The following GMDS variants were observed in gnomAD, a reference collection of about 807,000 sequenced individuals.
GMDS encodes the protein GDP-mannose 4,6-dehydratase.
In GMDS, 20 loss-of-function variants were observed where a neutral mutation model predicts 49.9. The observed-to-expected ratio is 0.40, with a 90% CI of 0.28 to 0.58. The LOEUF (loss-of-function observed/expected upper bound fraction) is 0.58, where lower values mean the gene tolerates loss of function less well. GMDS is among the 20% of genes least tolerant of loss of function. The pLI, the probability that GMDS is intolerant of heterozygous loss-of-function variation, is 0.42. For synonymous variants in GMDS, 177 were observed against 178.6 expected (o/e 0.99, Z 0.07); for missense variants, 362 against 481.4 (o/e 0.75, Z 2.32).
intron 4 of GMDS, among the ~76,000 whole-genome samples, chr6:2,051,973 C>T (rs558161856): frequency 6.6e-6 from 1 of 151,758 alleles, no homozygotes; most frequent in African/African-American, 2.4e-5. Context: ...AAAAATTAGT[C>T]GGGCGTGGTG....
intron 4 of GMDS, among the ~76,000 whole-genome samples, chr6:2,004,447 C>T (rs1767030727): frequency 6.6e-6 from 1 of 152,108 alleles, no homozygotes; most frequent in Non-Finnish European, 1.5e-5. Flanking sequence ...AATTTTACAA[C>T]TCAGTAATTT....
chr6:1,663,371 A>G (rs952183943), intron 9 of GMDS, among the ~76,000 whole-genome samples: 7 of 152,078 alleles, frequency 4.6e-5, no homozygotes, highest in African/African-American at 1.2e-4. Flanking sequence ...GCACCCCCAT[A>G]TTGCTTCTTG....
At position 1,932,978 on chromosome 6, in the gene GMDS, C is replaced by A. The variant is rs967139665; in HGVS notation, c.644-2748G>T. Among the ~76,000 whole-genome samples, 4 of 152,180 alleles carry A rather than the reference C, an allele frequency of 2.6e-5. No individual in the cohort carries two copies. The East Asian group carries it at 7.7e-4, about 29-fold the overall frequency. On this transcript the variant is annotated intron_variant, in intron 6 of 10. Coordinates refer to ENST00000380815, the MANE Select transcript of GMDS (RefSeq NM_001500.4). ...GTACAACCATCATCACAATCAATTT[C>A]AGAACACTTTCATCATCCCAAAAAG...
rs549878724 is a variant in GMDS at position 1,766,743 on chromosome 6, G to A, written c.772-24157C>T. Among the ~76,000 whole-genome samples, 7 of 152,174 alleles carry A rather than the reference G, an allele frequency of 4.6e-5. No homozygotes were observed. The highest frequency in any genetic ancestry group is 8.8e-5 in the Non-Finnish European group (6 of 68,036). On this transcript the variant is annotated intron_variant, in intron 7 of 10. Coordinates refer to ENST00000380815, the MANE Select transcript of GMDS (RefSeq NM_001500.4). The surrounding 1 kb of genome is among the most constrained non-coding windows in gnomAD (Gnocchi z 4.5). The stretch of plus-strand genomic sequence containing the variant: ...TCTCACCAGATCTGCTTACACGGAG[G>A]AGCTGCACATCGAACATGCTAAAAA...
At chr6:2,237,518 CTTTTTT>C (rs397885506) in intron 1 of GMDS, among the ~76,000 whole-genome samples, 1 of 125,868 alleles carries the variant, frequency 7.9e-6, no homozygotes, top group Non-Finnish European at 1.7e-5. Context: ...TTGGAAGTAC[CTTTTTT>C]TTTTTTTTTT....
chr6:2,045,380 C>T (rs1769937968), intron 4 of GMDS, among the ~76,000 whole-genome samples: 1 of 151,122 alleles, frequency 6.6e-6, no homozygotes. Context: ...TAATTCCTTC[C>T]TCTATTTTTT....
intron 7 of GMDS, among the ~76,000 whole-genome samples, chr6:1,796,986 A>T (rs889625012): frequency 6.6e-6 from 1 of 152,224 alleles, no homozygotes. Context: ...TCCTTAGATC[A>T]TGACTGCTGT....
chr6:1,728,099 A>C (rs1766656528), intron 8 of GMDS, among the ~76,000 whole-genome samples: 1 of 152,214 alleles, frequency 6.6e-6, no homozygotes, highest in Non-Finnish European at 1.5e-5. Flanking sequence ...GATGTTTTGG[A>C]GCATGGAGAT....
intron 1 of GMDS, among the ~76,000 whole-genome samples, chr6:2,180,382 C>G (rs1474971638): frequency 6.6e-6 from 1 of 152,152 alleles, no homozygotes; most frequent in Non-Finnish European, 1.5e-5. Flanking sequence ...GGGCTAGGTC[C>G]AGTGTGGTAA....
intron 4 of GMDS, among the ~76,000 whole-genome samples, chr6:2,010,877 G>C (rs1767516514): frequency 6.6e-6 from 1 of 152,132 alleles, no homozygotes; most frequent in African/African-American, 2.4e-5. Flanking sequence ...GTATATTATT[G>C]TCAACCTCTT....
chr6:2,077,745 T>C (rs1772430355), intron 4 of GMDS, among the ~76,000 whole-genome samples: 1 of 152,116 alleles, frequency 6.6e-6, no homozygotes, highest in African/African-American at 2.4e-5. Context: ...GTACTTTTCT[T>C]TTTTTGTGTG....
At chr6:2,013,462 G>A (rs1408429622) in intron 4 of GMDS, among the ~76,000 whole-genome samples, 2 of 152,088 alleles carry the variant, frequency 1.3e-5, no homozygotes, top group Non-Finnish European at 2.9e-5. Context: ...AACAAAGTGA[G>A]CATTAGAAAC....
At chr6:1,925,190 T>C (rs1761932788) in intron 7 of GMDS, among the ~76,000 whole-genome samples, 1 of 152,262 alleles carries the variant, frequency 6.6e-6, no homozygotes, top group Non-Finnish European at 1.5e-5. Context: ...TTTAAAAAGT[T>C]TTATAATAAA....
chr6:1,751,656 G>C (rs1453536101), intron 7 of GMDS, among the ~76,000 whole-genome samples: 1 of 152,132 alleles, frequency 6.6e-6, no homozygotes, highest in Non-Finnish European at 1.5e-5. Context: ...ACCACACACA[G>C]CTAATTTTTG....
intron 4 of GMDS, among the ~76,000 whole-genome samples, chr6:2,047,558 A>G (rs6934465): frequency 0.39 from 59,510 of 151,932 alleles, 11,856 homozygotes; most frequent in Middle Eastern, 0.46. Context: ...GTGTGATCTC[A>G]GCTCGCTGCA....
intron 1 of GMDS, among the ~76,000 whole-genome samples, chr6:2,147,236 TTGGCCAAAA>T (rs1317621862): frequency 6.6e-6 from 1 of 152,156 alleles, no homozygotes; most frequent in Non-Finnish European, 1.5e-5. Flanking sequence ...AAGTTACCGG[TTGGCCAAAA>T]TGCAAGAGCG....
In GMDS at chr6:1,884,819, C is replaced by T. The variant is rs17134433; in HGVS notation, c.771+45284G>A. ...GTGCATTAGGCTACGGTGCCCTGAG[C>T]TGCGCGACCTCATAGCTGATCACTT... On this transcript the variant is annotated intron_variant, in intron 7 of 10. Transcript: ENST00000380815. Among the ~76,000 whole-genome samples, 2,171 of 152,320 alleles carry T rather than the reference C, an allele frequency of 0.014. 118 individuals are homozygous for T. In the East Asian group the frequency reaches 0.17, roughly 12 times the overall value.
rs193183607 is a variant in GMDS, at chr6:1,908,183, G to C, written c.771+21920C>G. Among the ~76,000 whole-genome samples, 36 of 152,294 alleles carry C rather than the reference G, an allele frequency of 2.4e-4. No individual in the cohort carries two copies. The East Asian group carries it at 6.6e-3, about 28-fold the overall frequency. On this transcript the variant is annotated intron_variant, in intron 7 of 10. Coordinates refer to ENST00000380815, the MANE Select transcript of GMDS (RefSeq NM_001500.4). ...GTGGGGATCCACCGGACAAAGGAAT[G>C]GTTCACGTCCGGGCAGAACGAAGTG...
chr6:2,096,776 G>A (rs1403697055), intron 4 of GMDS, among the ~76,000 whole-genome samples: 8 of 152,054 alleles, frequency 5.3e-5, no homozygotes, highest in Non-Finnish European at 8.8e-5. Context: ...TCAAACAGAT[G>A]GATAAAAGCT....
Sources: allele counts gnomAD v4.1 joint callset (sites outside exome capture counted in the v4.1 genomes callset), GRCh38; gene constraint gnomAD v4.1.1; non-coding constraint Gnocchi (gnomAD v3.1); transcripts MANE v1.5; gene names NCBI Gene and HGNC (gene_info 2026-07-23, HGNC 2026-07-21).